MPHOSPH9: variants seen among roughly 807,000 people sequenced by gnomAD.
MPHOSPH9 encodes the protein M-phase phosphoprotein 9.
MPHOSPH9 carries 88 observed loss-of-function variants against 145.5 expected under a neutral mutation model. The ratio of observed to expected loss-of-function variants is 0.60; its 90% CI spans 0.51 to 0.72. MPHOSPH9 has a LOEUF of 0.72. Ranked by LOEUF, MPHOSPH9 falls within the 30% of genes least tolerant of loss-of-function variation. The probability of loss-of-function intolerance (pLI) is 0.00; values close to 1 mark genes in which losing one functional copy is unlikely to be tolerated. For missense variants in MPHOSPH9, 1,238 were observed against 1,386.6 expected, an observed-to-expected ratio of 0.89 and a Z score of 1.70; for synonymous variants, 435 against 486.2, an observed-to-expected ratio of 0.89 and a Z score of 1.39.
chr12:123,162,467 T>C (rs2044151299), intron 20 of MPHOSPH9: 1 of 254,842 alleles, frequency 3.9e-6, no homozygotes, highest in South Asian at 1.4e-4. Context: ...CCTTATGAAA[T>C]AAGCAGGGTA....
Position 123,213,904 on chromosome 12 carries a change from G to C in MPHOSPH9, c.1087+840C>G, listed in dbSNP as rs750865178. ...TGCAAGAGTGGAAGTGGGGAGGCTG[G>C]TTAGGAAGACAGTAGCAACCCAGGT... On this transcript the variant is annotated intron_variant, in intron 7 of 23. Transcript: ENST00000606320. 9.2e-5 allele frequency among the ~76,000 whole-genome samples: 14 copies of C among 152,256 alleles called. 1 individual carries two copies. Among genetic ancestry groups the C allele is most frequent in the Middle Eastern group, 6.8e-3 (2 of 294 alleles).
At chr12:123,181,500 A>C (rs1262911714) in intron 13 of MPHOSPH9, among the ~76,000 whole-genome samples, 1 of 152,054 alleles carries the variant, frequency 6.6e-6, no homozygotes, top group Non-Finnish European at 1.5e-5. Flanking sequence ...TGAGGCTAGG[A>C]GCTGGAGACC....
chr12:123,163,305 C>G, intron 19 of MPHOSPH9, 171 bp from the exon 20 acceptor site: 1 of 649,816 alleles, frequency 1.5e-6, no homozygotes, highest in South Asian at 2.5e-5. Context: ...ATCCTAACAC[C>G]TAGAGGTAAC....
chr12:123,191,184 G>A (rs1448914697), intron 13 of MPHOSPH9, among the ~76,000 whole-genome samples: 1 of 152,052 alleles, frequency 6.6e-6, no homozygotes, highest in Non-Finnish European at 1.5e-5. Flanking sequence ...AGCCGGGCAT[G>A]GTGGCACATG....
At chr12:123,177,176 C>T (rs1404687833) in intron 15 of MPHOSPH9, among the ~76,000 whole-genome samples, 1 of 151,322 alleles carries the variant, frequency 6.6e-6, no homozygotes, top group African/African-American at 2.4e-5. Flanking sequence ...GAGACTCCGT[C>T]ACACACAAAA....
Position 123,158,954 on chromosome 12 carries a change from G to A in MPHOSPH9, c.3450+1827C>T, listed in dbSNP as rs1325385769. Among the ~76,000 whole-genome samples, 10 of 151,906 alleles carry A rather than the reference G, an allele frequency of 6.6e-5. No individual in the cohort carries two copies. In the East Asian group the frequency reaches 7.9e-4, roughly 12 times the overall value. ...CCTCAAAATATCTTTGAATTAGGCC[G>A]GGCCCATGTGCCTGTAATCCCAGCT... On this transcript the variant is annotated intron_variant, in intron 23 of 23. Transcript: ENST00000606320.
chr12:123,196,204 G>A (rs1423473979), intron 12 of MPHOSPH9, among the ~76,000 whole-genome samples: 3 of 152,056 alleles, frequency 2.0e-5, no homozygotes, highest in Non-Finnish European at 4.4e-5. Context: ...ACAAAAATTA[G>A]CCGGGCTTGG....
In MPHOSPH9 at chr12:123,225,739, T is replaced by C. The variant is rs377046015; in HGVS notation, c.258+1724A>G. 2.3e-4 allele frequency among the ~76,000 whole-genome samples: 35 copies of C among 152,212 alleles called. No individual in the cohort carries two copies. The East Asian group carries it at 5.4e-3, about 24-fold the overall frequency. ...GTCCTAAAGCATGTTAATTCAGTTATCAAAAGCTAATAAGGGCTAGCCACG... is the reference window on the plus strand; with the variant it reads ...GTCCTAAAGCATGTTAATTCAGTTACCAAAAGCTAATAAGGGCTAGCCACG... On this transcript the variant is annotated intron_variant, in intron 3 of 23. Transcript: ENST00000606320.
chr12:123,181,272 TAC>T (rs775774724), intron 13 of MPHOSPH9, 62 bp from the exon 14 acceptor site: 4 of 1,442,770 alleles, frequency 2.8e-6, no homozygotes, highest in African/African-American at 1.4e-5. Flanking sequence ...TCAACTGAGG[TAC>T]AGTCTACAAA....
intron 11 of MPHOSPH9, among the ~76,000 whole-genome samples, chr12:123,200,777 G>T (rs930140476): frequency 3.3e-5 from 5 of 151,482 alleles, no homozygotes; most frequent in African/African-American, 1.2e-4. Context: ...TCCTGCCTCA[G>T]CCTCCCGAGT....
At chr12:123,207,810 G>T (rs187083820) in intron 8 of MPHOSPH9, among the ~76,000 whole-genome samples, 2 of 148,164 alleles carry the variant, frequency 1.3e-5, no homozygotes, top group African/African-American at 2.5e-5. Flanking sequence ...CTGAGATCAC[G>T]CCACTGCACT....
chr12:123,200,954 C>G (rs1452684902), intron 11 of MPHOSPH9, among the ~76,000 whole-genome samples: 1 of 152,058 alleles, frequency 6.6e-6, no homozygotes, highest in African/African-American at 2.4e-5. Flanking sequence ...CCACCACACT[C>G]AGCCTCATCT....
chr12:123,179,400 C>G (rs1179264578), intron 15 of MPHOSPH9, among the ~76,000 whole-genome samples: 4 of 152,126 alleles, frequency 2.6e-5, no homozygotes, highest in East Asian at 1.9e-4. Context: ...ATGGCGAAAC[C>G]CTGTCTCTAT....
chr12:123,193,990 C>T (rs1468834863), intron 13 of MPHOSPH9, among the ~76,000 whole-genome samples: 3 of 152,200 alleles, frequency 2.0e-5, no homozygotes, highest in Non-Finnish European at 2.9e-5. Flanking sequence ...AAATAAAGGC[C>T]GGACATAGTG....
In MPHOSPH9 at chr12:123,206,122, C is replaced by T. The variant is rs556263163; in HGVS notation, c.1195-2747G>A. 9.2e-5 allele frequency among the ~76,000 whole-genome samples: 14 copies of T among 151,826 alleles called. No individual in the cohort carries two copies. The East Asian group carries it at 1.4e-3, about 15-fold the overall frequency. Reference sequence around the variant, plus strand: ...CTCTTGGTGGGCTAGAGGAAGATAACGTGGGAAAACACAGAAACTAACACC... The same window carrying T: ...CTCTTGGTGGGCTAGAGGAAGATAATGTGGGAAAACACAGAAACTAACACC... On this transcript the variant is annotated intron_variant, in intron 8 of 23. Coordinates refer to ENST00000606320, the MANE Select transcript of MPHOSPH9 (RefSeq NM_022782.4).
At chr12:123,226,422 G>T in intron 3 of MPHOSPH9, 1 of 551,982 alleles carries the variant, frequency 1.8e-6, no homozygotes, top group Non-Finnish European at 2.5e-6. Flanking sequence ...TGCTTTCTAA[G>T]AATTAATAAT....
chr12:123,153,670 CAGG>C (rs1439151531), downstream of MPHOSPH9, among the ~76,000 whole-genome samples: 7 of 145,368 alleles, frequency 4.8e-5, no homozygotes, highest in South Asian at 2.1e-4. Flanking sequence ...GAGGCTGAGG[CAGG>C]AGAATAGCTT....
At chr12:123,170,143 C>T (rs2044512793) in intron 16 of MPHOSPH9, among the ~76,000 whole-genome samples, 1 of 151,188 alleles carries the variant, frequency 6.6e-6, no homozygotes, top group Non-Finnish European at 1.5e-5. Flanking sequence ...AACCACCACA[C>T]CCAGCTTTTT....
intron 7 of MPHOSPH9, 140 bp downstream of exon 7, chr12:123,214,604 A>T (rs2046880025): frequency 1.5e-6 from 1 of 646,700 alleles, no homozygotes; most frequent in African/African-American, 1.9e-5. Context: ...CATTTACAAA[A>T]CCATACTACT....
Sources: allele counts gnomAD v4.1 joint callset (sites outside exome capture counted in the v4.1 genomes callset), GRCh38; gene constraint gnomAD v4.1.1; transcripts MANE v1.5; gene names NCBI Gene and HGNC (gene_info 2026-07-23, HGNC 2026-07-21).